RPS6KA1: variants seen among roughly 807,000 people sequenced by gnomAD.
RPS6KA1 encodes ribosomal protein S6 kinase A1.
A neutral mutation model predicts 91.3 loss-of-function variants in RPS6KA1; 48 were observed. The ratio of observed to expected loss-of-function variants is 0.53; its 90% CI spans 0.42 to 0.67. The LOEUF is 0.67. Ranked by LOEUF, RPS6KA1 falls within the 30% of genes least tolerant of loss-of-function variation. The pLI is 0.00. For missense variants in RPS6KA1, 719 were observed against 960.5 expected (o/e 0.75, Z 3.32); for synonymous variants, 359 against 384.7 (o/e 0.93, Z 0.78).
In RPS6KA1 at chr1:26,571,293, G is replaced by A. The variant is rs1427316767; in HGVS notation, c.1591-156G>A. On this transcript the variant is annotated intron_variant, in intron 17 of 21. Transcript: ENST00000374168. This position sits in a 1 kb window ranked among gnomAD's most constrained non-coding sequence, Gnocchi z 5.1. ...ACAGAGTCAGTAGCAGCAGCAATAA[G>A]ACCATCATTTCAGCCCCTTCCCCTT... 3.0e-6 allele frequency: 2 copies of A among 663,576 alleles called. No individual in the cohort carries two copies. Among genetic ancestry groups the A allele is most frequent in the East Asian group, 5.5e-5 (2 of 36,616 alleles). The allele number at this position is 663,576 out of a possible 1,614,324, so 41.1% of individuals were successfully genotyped here.
chr1:26,549,690 C>CTTTTTTTTTT (rs561375723), intron 4 of RPS6KA1, among the ~76,000 whole-genome samples: 4 of 101,914 alleles, frequency 3.9e-5, no homozygotes, highest in Non-Finnish European at 5.6e-5. Context: ...AAAGCCTGTT[C>CTTTTTTTTTT]TTTTTTTTTT....
Position 26,547,387 on chromosome 1 carries a change from A to G in RPS6KA1, c.307+117A>G. On this transcript the variant is annotated intron_variant, in intron 4 of 21. Transcript: ENST00000374168. This position sits in a 1 kb window ranked among gnomAD's most constrained non-coding sequence, Gnocchi z 4.1. ...CTCTGTCTTCAGGAGCACCTAGTTCAAAGGTGGAGAAACAGGCCTATTTCT... is the reference window on the plus strand; with the variant it reads ...CTCTGTCTTCAGGAGCACCTAGTTCGAAGGTGGAGAAACAGGCCTATTTCT... 1.3e-6 allele frequency: 1 copy of G among 770,134 alleles called. No homozygotes were observed. The highest frequency in any genetic ancestry group is 2.4e-5 in the Admixed American group (1 of 41,376). 47.7% of individuals were successfully genotyped at this position (770,134 alleles called of 1,614,324 possible). A position where few individuals can be genotyped will look rare whatever the true frequency, so the allele number is the denominator to read the frequency against.
intron 1 of RPS6KA1, 88 bp downstream of exon 1, chr1:26,530,071 C>A: frequency 1.1e-6 from 1 of 933,622 alleles, no homozygotes; most frequent in Non-Finnish European, 1.4e-6. Context: ...CCGCTGCAGT[C>A]CGGCGGGCGC....
chr1:26,546,647 G>A (rs1219401009), intron 2 of RPS6KA1, among the ~76,000 whole-genome samples: 1 of 152,268 alleles, frequency 6.6e-6, no homozygotes, highest in Non-Finnish European at 1.5e-5. Context: ...CCAGGCCAGA[G>A]CATCGTGAGC....
intron 2 of RPS6KA1, among the ~76,000 whole-genome samples, chr1:26,541,559 A>G (rs1431036364): frequency 3.3e-5 from 5 of 151,972 alleles, no homozygotes; most frequent in Admixed American, 2.6e-4. Context: ...CCTCTCAAAG[A>G]AAAAAAAGGC....
At position 26,572,754 on chromosome 1, in the gene RPS6KA1, T is replaced by C. The variant is rs539604527; in HGVS notation, c.1947+461T>C. Among the ~76,000 whole-genome samples the C allele has an allele frequency of 1.2e-4, 19 of 152,314 alleles. No individual in the cohort carries two copies. In the South Asian group the frequency reaches 3.1e-3, roughly 25 times the overall value. ...CAGTATTAGCAACAGTTTTTGGTCA[T>C]TGGGAACCTGTATGCCAGACAGAGT... On this transcript the variant is annotated intron_variant, in intron 20 of 21. Transcript: ENST00000374168.
chr1:26,562,116 G>A (rs917942952), intron 17 of RPS6KA1, among the ~76,000 whole-genome samples: 6 of 152,132 alleles, frequency 3.9e-5, no homozygotes, highest in Non-Finnish European at 8.8e-5. Context: ...AGGCAGAAGA[G>A]TGGCTTGAAC....
intron 17 of RPS6KA1, among the ~76,000 whole-genome samples, chr1:26,565,847 C>T (rs1157478776): frequency 6.6e-6 from 1 of 152,146 alleles, no homozygotes; most frequent in Admixed American, 6.6e-5. Context: ...CAGGCGCGGC[C>T]CCGTTTTGGA....
At chr1:26,552,467 C>CTTTT (rs1200548875) in intron 6 of RPS6KA1, among the ~76,000 whole-genome samples, 4 of 122,306 alleles carry the variant, frequency 3.3e-5, no homozygotes, top group Non-Finnish European at 6.9e-5. Flanking sequence ...GAGAATCTAG[C>CTTTT]TTTTTTTTTT....
chr1:26,565,806 C>G (rs1404328765), intron 17 of RPS6KA1, among the ~76,000 whole-genome samples: 1 of 152,160 alleles, frequency 6.6e-6, no homozygotes, highest in East Asian at 1.9e-4. Flanking sequence ...AAGTGATCCA[C>G]CGGTCTCGGC....
rs74061200 is a variant in RPS6KA1, at chr1:26,531,621, G to T, written c.63+1638G>T. On this transcript the variant is annotated intron_variant, in intron 1 of 21. Transcript: ENST00000374168. ...CAGTTTTGAGTTCTGTAACATCTCA[G>T]GTCTGTGAGAGGGGAAGACCAGCGG... 5.8e-3 allele frequency among the ~76,000 whole-genome samples: 888 copies of T among 152,322 alleles called. 6 individuals are homozygous for T. Among genetic ancestry groups the T allele is most frequent in the African/African-American group, 0.02 (825 of 41,578 alleles).
intron 1 of RPS6KA1, among the ~76,000 whole-genome samples, chr1:26,535,391 C>T (rs2075898857): frequency 6.6e-6 from 1 of 152,046 alleles, no homozygotes; most frequent in Admixed American, 6.6e-5. Flanking sequence ...ACAGCTGCCC[C>T]ATGGACCCAG....
chr1:26,549,892 T>C (rs1472664250), intron 4 of RPS6KA1, among the ~76,000 whole-genome samples: 1 of 148,324 alleles, frequency 6.7e-6, no homozygotes, highest in Non-Finnish European at 1.5e-5. Flanking sequence ...ATTTTTTTCT[T>C]TTTTGAGACG....
chr1:26,571,721 A>G lies in RPS6KA1; in HGVS notation c.1752+111A>G. 1 of 1,494,078 alleles carries G rather than the reference A, an allele frequency of 6.7e-7. No individual in the cohort carries two copies. Among genetic ancestry groups the G allele is most frequent in the South Asian group, 1.2e-5 (1 of 80,536 alleles). The allele number at this position is 1,494,078 out of a possible 1,614,324, so 92.6% of individuals were successfully genotyped here. On this transcript the variant is annotated intron_variant, in intron 18 of 21. Transcript: ENST00000374168. The surrounding 1 kb of genome is among the most constrained non-coding windows in gnomAD (Gnocchi z 5.1). ...ACTCCAGTCTCTGTGACCTTGGCCCAGCTGGCAAGGGAAGATCTAGCCTGT... is the reference window on the plus strand; with the variant it reads ...ACTCCAGTCTCTGTGACCTTGGCCCGGCTGGCAAGGGAAGATCTAGCCTGT...
At chr1:26,543,303 T>A in intron 2 of RPS6KA1, 1 of 1,085,756 alleles carries the variant, frequency 9.2e-7, no homozygotes, top group Non-Finnish European at 1.4e-6. Flanking sequence ...GCTCTGTCCC[T>A]TGGGATTTCT....
At chr1:26,570,588 A>G (rs926483112) in intron 17 of RPS6KA1, among the ~76,000 whole-genome samples, 7 of 152,196 alleles carry the variant, frequency 4.6e-5, no homozygotes, top group Admixed American at 1.3e-4. Flanking sequence ...CAGGGCCCAG[A>G]GGAAAGCCGT....
chr1:26,552,553 C>T (rs185119910), intron 6 of RPS6KA1, among the ~76,000 whole-genome samples: 1 of 137,260 alleles, frequency 7.3e-6, no homozygotes, highest in East Asian at 2.3e-4. Flanking sequence ...CTGGTGGGGT[C>T]TCAGCTCACT....
Position 26,571,493 on chromosome 1 carries a change from C to T in RPS6KA1, c.1635C>T (p.Asp545=), listed in dbSNP as rs746559226. ...DLKPSNILYV[D]ESGNPECLRI... ...AGCCCAGCAACATCCTGTATGTGGA[C>T]GAGTCCGGGAATCCCGAGTGCCTGC... Residue 545 remains aspartate, a synonymous_variant, in exon 18 of 22, where the codon GAC becomes GAT. Transcript: ENST00000374168. This position sits in a 1 kb window ranked among gnomAD's most constrained non-coding sequence, Gnocchi z 5.1. 17 of 1,614,046 alleles carry T rather than the reference C, an allele frequency of 1.1e-5. No homozygotes were observed. Among genetic ancestry groups the T allele is most frequent in the Middle Eastern group, 1.6e-4 (1 of 6,084 alleles).
At chr1:26,544,952 C>A (rs1490605220) in intron 2 of RPS6KA1, among the ~76,000 whole-genome samples, 1 of 152,032 alleles carries the variant, frequency 6.6e-6, no homozygotes, top group Non-Finnish European at 1.5e-5. Context: ...GTGTCCCTAT[C>A]TGCCTACACA....
Sources: gnomAD v4.1 joint callset for allele counts (sites outside exome capture counted in the v4.1 genomes callset) on GRCh38, gnomAD v4.1.1 for gene constraint, Gnocchi (gnomAD v3.1) non-coding constraint, MANE v1.5 for transcripts, NCBI Gene and HGNC (gene_info 2026-07-23, HGNC 2026-07-21) for gene names.